ITFG1: variants seen among roughly 807,000 people sequenced by gnomAD.
ITFG1 encodes the protein T-cell immunomodulatory protein.
ITFG1 carries 34 observed loss-of-function variants against 81.8 expected under a neutral mutation model. The ratio of observed to expected loss-of-function variants is 0.42; its 90% CI spans 0.32 to 0.55. The LOEUF (loss-of-function observed/expected upper bound fraction) is 0.55. Ranked by LOEUF, ITFG1 falls within the 20% of genes least tolerant of loss-of-function variation. The probability of loss-of-function intolerance (pLI) is 0.17; values close to 1 mark genes in which losing one functional copy is unlikely to be tolerated. For synonymous variants in ITFG1, 285 were observed against 270.6 expected, an observed-to-expected ratio of 1.05 and a Z score of -0.52; for missense variants, 672 against 755.4, an observed-to-expected ratio of 0.89 and a Z score of 1.29.
chr16:47,191,334 CA>C (rs577763628), intron 14 of ITFG1, among the ~76,000 whole-genome samples: 3 of 152,160 alleles, frequency 2.0e-5, no homozygotes, highest in Non-Finnish European at 2.9e-5. Context: ...ACATGTGGCC[CA>C]GGGTGGCTTT....
Position 47,155,785 on chromosome 16 carries a change from A to T in ITFG1, c.1780-7T>A. On this transcript the variant is annotated splice_polypyrimidine_tract_variant and splice_region_variant and intron_variant, in intron 17 of 17. Transcript: ENST00000320640. Reference sequence around the variant, plus strand: ...TTTCTCTATCATCTGCTTTCTGAAAAAGAATTTTAGACTCGTTTATAAATG... The same window carrying T: ...TTTCTCTATCATCTGCTTTCTGAAATAGAATTTTAGACTCGTTTATAAATG... 1 of 1,601,450 alleles carries T rather than the reference A, an allele frequency of 6.2e-7. No individual in the cohort carries two copies. The highest frequency in any genetic ancestry group is 8.5e-7 in the Non-Finnish European group (1 of 1,172,196).
At chr16:47,377,350 C>T (rs149092627) in intron 6 of ITFG1, among the ~76,000 whole-genome samples, 1 of 152,216 alleles carries the variant, frequency 6.6e-6, no homozygotes, top group East Asian at 1.9e-4. Context: ...TTTACTGTTA[C>T]TCATGCACTC....
At chr16:47,304,787 C>T (rs1182632060) in intron 10 of ITFG1, among the ~76,000 whole-genome samples, 1 of 152,104 alleles carries the variant, frequency 6.6e-6, no homozygotes, top group African/African-American at 2.4e-5. Context: ...AAAAAAAGTG[C>T]AAAATCTTCC....
chr16:47,368,868 G>A (rs935567938), intron 7 of ITFG1, among the ~76,000 whole-genome samples: 1 of 152,162 alleles, frequency 6.6e-6, no homozygotes, highest in East Asian at 1.9e-4. Context: ...CAATAGAAGA[G>A]CAATGCCCAC....
chr16:47,429,804 C>CCATCGATCCATCCATT (rs1969070177), intron 5 of ITFG1, among the ~76,000 whole-genome samples: 1 of 152,136 alleles, frequency 6.6e-6, no homozygotes, highest in African/African-American at 2.4e-5. Context: ...TGCTATCCAT[C>CCATCGATCCATCCATT]CATCGATCCA....
At chr16:47,250,564 A>T (rs993365779) in intron 12 of ITFG1, among the ~76,000 whole-genome samples, 1 of 152,182 alleles carries the variant, frequency 6.6e-6, no homozygotes, top group African/African-American at 2.4e-5. Flanking sequence ...TAAATTAAAA[A>T]ATATTAAACA....
chr16:47,183,668 A>G (rs1429531384), intron 14 of ITFG1, among the ~76,000 whole-genome samples: 1 of 152,236 alleles, frequency 6.6e-6, no homozygotes, highest in African/African-American at 2.4e-5. Context: ...AAAAGAAGAT[A>G]AAACCACAAA....
At chr16:47,220,028 TTCTTA>T (rs1965672367) in intron 13 of ITFG1, among the ~76,000 whole-genome samples, 1 of 152,242 alleles carries the variant, frequency 6.6e-6, no homozygotes, top group Non-Finnish European at 1.5e-5. Context: ...TGTCTCTACA[TTCTTA>T]TCTTGCAGAT....
At position 47,451,504 on chromosome 16, in the gene ITFG1, C is replaced by G. The variant is rs1420419497; in HGVS notation, c.486-34G>C. On this transcript the variant is annotated intron_variant, in intron 4 of 17. Coordinates refer to ENST00000320640, the MANE Select transcript of ITFG1 (RefSeq NM_030790.5). Reference sequence around the variant, plus strand: ...AAATTAAAACAATAAGCAGCTATTTCTTTAAATTCTTACTTCTAATTTAGC... The same window carrying G: ...AAATTAAAACAATAAGCAGCTATTTGTTTAAATTCTTACTTCTAATTTAGC... 4 of 1,131,470 alleles carry G rather than the reference C, an allele frequency of 3.5e-6. No homozygotes were observed. In the East Asian group the frequency reaches 7.1e-5, roughly 20 times the overall value. 70.1% of individuals were successfully genotyped at this position (1,131,470 alleles called of 1,614,324 possible). A position where few individuals can be genotyped will look rare whatever the true frequency, so the allele number is the denominator to read the frequency against.
chr16:47,448,958 T>C (rs1189192181), intron 5 of ITFG1: 1 of 152,210 alleles, frequency 6.6e-6, no homozygotes, highest in African/African-American at 2.4e-5. Flanking sequence ...TTAGATGCAG[T>C]GAGTGCCCTT....
chr16:47,419,110 T>C (rs1255017459), intron 6 of ITFG1, among the ~76,000 whole-genome samples: 1 of 152,214 alleles, frequency 6.6e-6, no homozygotes, highest in Non-Finnish European at 1.5e-5. Flanking sequence ...TTCACGTTGT[T>C]TTATCTTTTT....
At chr16:47,187,948 C>T (rs1354427517) in intron 14 of ITFG1, among the ~76,000 whole-genome samples, 14 of 151,912 alleles carry the variant, frequency 9.2e-5, no homozygotes, top group Middle Eastern at 6.8e-3. Context: ...AAAAAGTGGG[C>T]GAAGGACATG....
At chr16:47,270,787 T>G (rs1383224950) in intron 10 of ITFG1, among the ~76,000 whole-genome samples, 1 of 152,224 alleles carries the variant, frequency 6.6e-6, no homozygotes, top group African/African-American at 2.4e-5. Context: ...TTATGCAGCG[T>G]AAGAAAACCC....
chr16:47,218,498 A>G (rs1217547266), intron 14 of ITFG1: 1 of 153,238 alleles, frequency 6.5e-6, no homozygotes, highest in Non-Finnish European at 1.5e-5. Flanking sequence ...GGAGTAGTTT[A>G]TATTATACTA....
At chr16:47,370,505 T>G (rs1968238723) in intron 7 of ITFG1, among the ~76,000 whole-genome samples, 1 of 152,210 alleles carries the variant, frequency 6.6e-6, no homozygotes, top group Non-Finnish European at 1.5e-5. Context: ...CCTTGCTCAA[T>G]CTCTGGTTGT....
intron 17 of ITFG1, 36 bp downstream of exon 17, chr16:47,158,837 T>C (rs962345425): frequency 1.8e-5 from 21 of 1,168,796 alleles, no homozygotes; most frequent in Non-Finnish European, 2.5e-5. Context: ...CTAGAATAAA[T>C]TAACCAAAAT....
intron 8 of ITFG1, among the ~76,000 whole-genome samples, chr16:47,346,387 A>G (rs1967855284): frequency 1.3e-5 from 2 of 152,224 alleles, no homozygotes. Context: ...AAAATGAAAT[A>G]CAACATATCA....
intron 6 of ITFG1, among the ~76,000 whole-genome samples, chr16:47,392,248 C>T (rs1968541005): frequency 6.6e-6 from 1 of 152,056 alleles, no homozygotes; most frequent in Non-Finnish European, 1.5e-5. Flanking sequence ...GACTCTGTCT[C>T]TACAAAAAAC....
chr16:47,438,857 G>A (rs974206993), intron 5 of ITFG1, among the ~76,000 whole-genome samples: 1 of 152,228 alleles, frequency 6.6e-6, no homozygotes, highest in Non-Finnish European at 1.5e-5. Flanking sequence ...CGAGTTGAGA[G>A]AGGAAGGCTT....
Sources: gnomAD v4.1 joint callset for allele counts (sites outside exome capture counted in the v4.1 genomes callset) on GRCh38, gnomAD v4.1.1 for gene constraint, MANE v1.5 for transcripts, NCBI Gene and HGNC (gene_info 2026-07-23, HGNC 2026-07-21) for gene names.